The following CCDC171 variants were observed in gnomAD, a reference collection of about 807,000 sequenced individuals.
CCDC171 encodes the protein coiled-coil domain containing 171, also known as coiled-coil domain-containing protein 171.
A neutral mutation model predicts 168.2 loss-of-function variants in CCDC171; 177 were observed. The ratio of observed to expected loss-of-function variants is 1.05; its 90% CI spans 0.93 to 1.19. The LOEUF (loss-of-function observed/expected upper bound fraction) is 1.19, where lower values mean the gene tolerates loss of function less well. CCDC171 is among the 50% of genes most tolerant of loss of function. The pLI is 0.00. For missense variants in CCDC171, 1,991 were observed against 1,539.0 expected (o/e 1.29, Z -4.91); for synonymous variants, 687 against 540.8 (o/e 1.27, Z -3.75).
the CCDC171 span, among the ~76,000 whole-genome samples, chr9:16,106,312 G>A: frequency 4.6e-5 from 7 of 152,196 alleles, no homozygotes; most frequent in Admixed American, 2.0e-4. Context: ...GAGAAAAGTA[G>A]GATTTTTCCA....
intron 6 of CCDC171, among the ~76,000 whole-genome samples, chr9:15,600,232 T>A (rs199974135): frequency 3.3e-5 from 5 of 152,168 alleles, no homozygotes; most frequent in Non-Finnish European, 7.3e-5. Context: ...AGAGTTTCCA[T>A]TTTTCTGCTC....
chr9:15,890,919 C>G (rs564125861), intron 24 of CCDC171, among the ~76,000 whole-genome samples: 49 of 152,184 alleles, frequency 3.2e-4, no homozygotes, highest in African/African-American at 1.1e-3. Flanking sequence ...TGTATTATAT[C>G]AGAATCAGAG....
intron 7 of CCDC171, among the ~76,000 whole-genome samples, chr9:15,643,034 T>C (rs369849861): frequency 1.0e-3 from 157 of 152,286 alleles, no homozygotes; most frequent in African/African-American, 3.4e-3. Context: ...GCCTTGTTTT[T>C]TTTCTCTCTG....
At chr9:15,573,286 C>T (rs1005176012) in intron 3 of CCDC171, among the ~76,000 whole-genome samples, 1 of 151,642 alleles carries the variant, frequency 6.6e-6, no homozygotes, top group African/African-American at 2.4e-5. Flanking sequence ...CATAATTTTT[C>T]TTTTTTTGAG....
At chr9:15,993,985 G>T (rs998117496) in intron 3 of CCDC171, among the ~76,000 whole-genome samples, 1 of 152,212 alleles carries the variant, frequency 6.6e-6, no homozygotes, top group African/African-American at 2.4e-5. Context: ...CTACACTGTT[G>T]GTGGGACTGT....
downstream of CCDC171, among the ~76,000 whole-genome samples, chr9:16,065,126 A>G (rs558736449): frequency 1.6e-4 from 25 of 152,354 alleles, no homozygotes; most frequent in African/African-American, 6.0e-4. Flanking sequence ...GCCTGCGAGC[A>G]AAGCACCTTT....
intron 16 of CCDC171, among the ~76,000 whole-genome samples, chr9:15,732,070 T>C (rs949379134): frequency 1.3e-5 from 2 of 152,002 alleles, no homozygotes; most frequent in Admixed American, 6.6e-5. Flanking sequence ...TTTCTAAGAG[T>C]TCTTTACATA....
intron 10 of CCDC171, among the ~76,000 whole-genome samples, chr9:15,690,197 T>C (rs2050691701): frequency 6.6e-6 from 1 of 152,188 alleles, no homozygotes; most frequent in Non-Finnish European, 1.5e-5. Flanking sequence ...AGATTGTGGA[T>C]ATGCTTGTAC....
rs182852682 is a variant in CCDC171, at chr9:15,656,457, G to T, written c.823-670G>T. On this transcript the variant is annotated intron_variant, in intron 7 of 25. Coordinates refer to ENST00000380701, the MANE Select transcript of CCDC171 (RefSeq NM_173550.4). ...ACAAATGCTCATAGCAGCTTTATTT[G>T]TAATTGCCTAAACTGGAAACAAGTC... Among the ~76,000 whole-genome samples, 14 of 152,180 alleles carry T rather than the reference G, an allele frequency of 9.2e-5. No individual in the cohort carries two copies. In the East Asian group the frequency reaches 2.1e-3, roughly 23 times the overall value.
intron 5 of CCDC171, 77 bp downstream of exon 5, chr9:15,591,633 C>A (rs2042015261): frequency 2.4e-6 from 2 of 833,036 alleles, no homozygotes; most frequent in Admixed American, 3.0e-5. Flanking sequence ...TGAAGTTATC[C>A]TGGATTTCCT....
At chr9:15,681,970 T>G (rs1343994620) in intron 10 of CCDC171, among the ~76,000 whole-genome samples, 2 of 152,110 alleles carry the variant, frequency 1.3e-5, no homozygotes, top group Admixed American at 6.6e-5. Context: ...TTTTACAGAC[T>G]ATGGATGGGA....
chr9:16,076,386 T>C, the CCDC171 span, among the ~76,000 whole-genome samples: 1 of 152,228 alleles, frequency 6.6e-6, no homozygotes, highest in Non-Finnish European at 1.5e-5. Flanking sequence ...CAGTTTCTAT[T>C]TGAGTCCTCC....
chr9:15,818,431 A>G (rs2059640159), intron 21 of CCDC171, among the ~76,000 whole-genome samples: 1 of 117,110 alleles, frequency 8.5e-6, no homozygotes, highest in Non-Finnish European at 1.9e-5. Flanking sequence ...AATGGCAAAG[A>G]AGTTAAAAAC....
intron 18 of CCDC171, among the ~76,000 whole-genome samples, chr9:15,752,212 G>A (rs965444455): frequency 6.6e-6 from 1 of 152,070 alleles, no homozygotes; most frequent in Non-Finnish European, 1.5e-5. Flanking sequence ...AGTTACCATC[G>A]CACACCAGTT....
In CCDC171 at chr9:15,951,211, TCAA is replaced by T. The variant is rs1439747899; in HGVS notation, c.3754-20396_3754-20394del. Among the ~76,000 whole-genome samples the T allele has an allele frequency of 9.3e-5, 14 of 149,976 alleles. No individual in the cohort carries two copies. The South Asian group carries it at 3.1e-3, about 33-fold the overall frequency. ...CACCCCACTGTCAACATTGGACAGATCAACGAGACAGAAAGTCAACAAGTATAC... is the reference window on the plus strand; with the variant it reads ...CACCCCACTGTCAACATTGGACAGATCGAGACAGAAAGTCAACAAGTATAC... On this transcript the variant is annotated intron_variant, in intron 25 of 25. Transcript: ENST00000380701.
Position 15,654,985 on chromosome 9 carries a change from G to C in CCDC171, c.823-2142G>C, listed in dbSNP as rs556643831. Among the ~76,000 whole-genome samples the C allele has an allele frequency of 3.4e-4, 51 of 152,236 alleles. No homozygotes were observed. In the East Asian group the frequency reaches 9.6e-3, roughly 29 times the overall value. ...CTCTTAGGTGGGAATTGAACAATGA[G>C]AACACATGGACACAGGAAGGGGAAC... On this transcript the variant is annotated intron_variant, in intron 7 of 25. Transcript: ENST00000380701.
At chr9:15,725,517 T>G (rs1291735890) in intron 14 of CCDC171, among the ~76,000 whole-genome samples, 1 of 152,146 alleles carries the variant, frequency 6.6e-6, no homozygotes, top group African/African-American at 2.4e-5. Context: ...TGGTGCGATC[T>G]GGGCTCATTG....
chr9:16,102,302 T>C, the CCDC171 span, among the ~76,000 whole-genome samples: 1 of 152,116 alleles, frequency 6.6e-6, no homozygotes, highest in Admixed American at 6.5e-5. Context: ...TCTGTAGACA[T>C]ATACACACGC....
the CCDC171 span, among the ~76,000 whole-genome samples, chr9:16,073,280 G>C: frequency 3.9e-5 from 6 of 152,072 alleles, no homozygotes; most frequent in Non-Finnish European, 8.8e-5. Flanking sequence ...AGGAACCCTG[G>C]GTAAAGGTCC....
Sources: gnomAD v4.1 joint callset for allele counts (sites outside exome capture counted in the v4.1 genomes callset) on GRCh38, gnomAD v4.1.1 for gene constraint, MANE v1.5 for transcripts, NCBI Gene and HGNC (gene_info 2026-07-23, HGNC 2026-07-21) for gene names.